The following CSRNP3 variants were observed in gnomAD, a reference collection of about 807,000 sequenced individuals.
CSRNP3 encodes cysteine and serine rich nuclear protein 3, also known as cysteine/serine-rich nuclear protein 3.
Under a neutral mutation model 48.0 loss-of-function variants are expected in CSRNP3, and 12 were observed. The observed-to-expected ratio is 0.25, with a 90% CI of 0.16 to 0.41. The LOEUF (loss-of-function observed/expected upper bound fraction) is 0.41, where lower values mean the gene tolerates loss of function less well. Ranked by LOEUF, CSRNP3 falls within the 10% of genes least tolerant of loss-of-function variation. The pLI, the probability that CSRNP3 is intolerant of heterozygous loss-of-function variation, is 1.00. For synonymous variants in CSRNP3, 263 were observed against 269.7 expected, an observed-to-expected ratio of 0.98 and a Z score of 0.24; for missense variants, 580 against 724.4, an observed-to-expected ratio of 0.80 and a Z score of 2.29.
intron 1 of CSRNP3, among the ~76,000 whole-genome samples, chr2:165,494,410 G>A (rs980517747): frequency 6.6e-6 from 1 of 151,970 alleles, no homozygotes. Context: ...CTGAACTCTG[G>A]CTCTGTCAAT....
chr2:165,643,564 C>A (rs1331774926), intron 4 of CSRNP3, among the ~76,000 whole-genome samples: 3 of 152,110 alleles, frequency 2.0e-5, no homozygotes, highest in Admixed American at 1.3e-4. Context: ...TTGTTTTTGA[C>A]CCCGGAGTCT....
intron 3 of CSRNP3, among the ~76,000 whole-genome samples, chr2:165,578,763 T>C (rs1574845797): frequency 6.6e-6 from 1 of 152,156 alleles, no homozygotes; most frequent in South Asian, 2.1e-4. Context: ...AAAAAGCTTT[T>C]ATTGTGTTGT....
intron 1 of CSRNP3, among the ~76,000 whole-genome samples, chr2:165,493,754 G>A (rs1417475478): frequency 6.6e-6 from 1 of 152,018 alleles, no homozygotes; most frequent in African/African-American, 2.4e-5. Context: ...TGAATAAGAG[G>A]TCATTTACTA....
At chr2:165,646,926 A>T (rs1686821083) in intron 4 of CSRNP3, among the ~76,000 whole-genome samples, 1 of 152,222 alleles carries the variant, frequency 6.6e-6, no homozygotes, top group African/African-American at 2.4e-5. Context: ...TTTTGGAAAT[A>T]ACTGTTACTT....
intron 4 of CSRNP3, among the ~76,000 whole-genome samples, chr2:165,599,434 T>C (rs1485152547): frequency 2.0e-5 from 3 of 152,056 alleles, no homozygotes; most frequent in Non-Finnish European, 4.4e-5. Context: ...GGACCACAGG[T>C]GCACACCACT....
intron 3 of CSRNP3, among the ~76,000 whole-genome samples, chr2:165,593,239 G>C (rs1474067289): frequency 6.6e-6 from 1 of 152,216 alleles, no homozygotes; most frequent in Non-Finnish European, 1.5e-5. Context: ...TAGGAATTCA[G>C]TGCTGGTTTA....
At chr2:165,521,040 C>T (rs1055772777) in intron 3 of CSRNP3, among the ~76,000 whole-genome samples, 3 of 151,034 alleles carry the variant, frequency 2.0e-5, no homozygotes, top group Admixed American at 6.6e-5. Flanking sequence ...GTAGCTCAGG[C>T]TAGAAGAGGG....
At chr2:165,502,852 T>C (rs1302560886) in intron 2 of CSRNP3, among the ~76,000 whole-genome samples, 4 of 151,986 alleles carry the variant, frequency 2.6e-5, no homozygotes, top group African/African-American at 2.4e-5. Context: ...ATATGATTAG[T>C]GAAAACATGT....
At chr2:165,562,793 A>G (rs1385134146) in intron 3 of CSRNP3, among the ~76,000 whole-genome samples, 1 of 152,208 alleles carries the variant, frequency 6.6e-6, no homozygotes, top group Non-Finnish European at 1.5e-5. Context: ...TCTTTCTAGA[A>G]ATACAAACAC....
intron 3 of CSRNP3, among the ~76,000 whole-genome samples, chr2:165,568,961 C>T (rs1335149389): frequency 1.3e-5 from 2 of 151,924 alleles, no homozygotes; most frequent in East Asian, 1.9e-4. Context: ...CATATTCACA[C>T]AATAAAATAT....
chr2:165,527,037 T>A (rs1684740833), intron 3 of CSRNP3, among the ~76,000 whole-genome samples: 2 of 152,004 alleles, frequency 1.3e-5, no homozygotes, highest in African/African-American at 4.8e-5. Flanking sequence ...AATGAGGAAG[T>A]CATTAAATAA....
chr2:165,534,546 A>C (rs946352742), intron 3 of CSRNP3, among the ~76,000 whole-genome samples: 1 of 151,950 alleles, frequency 6.6e-6, no homozygotes, highest in South Asian at 2.1e-4. Flanking sequence ...GTGCATAGAG[A>C]ATGTTCACTG....
chr2:165,496,988 C>T (rs1399798763), intron 2 of CSRNP3, among the ~76,000 whole-genome samples: 1 of 152,034 alleles, frequency 6.6e-6, no homozygotes, highest in Non-Finnish European at 1.5e-5. Context: ...GCTCTAGATG[C>T]TTTCCAGATG....
At chr2:165,520,910 C>T (rs1412902331) in intron 3 of CSRNP3, among the ~76,000 whole-genome samples, 1 of 149,304 alleles carries the variant, frequency 6.7e-6, no homozygotes, top group Non-Finnish European at 1.5e-5. Flanking sequence ...TCACTGCAGC[C>T]TCAACCTCCT....
At chr2:165,502,101 A>G (rs560477125) in intron 2 of CSRNP3, among the ~76,000 whole-genome samples, 1 of 152,148 alleles carries the variant, frequency 6.6e-6, no homozygotes, top group South Asian at 2.1e-4. Context: ...ATTTTTTCTT[A>G]TGGTGAAAAA....
At position 165,474,667 on chromosome 2, in the gene CSRNP3, T is replaced by G. The variant is rs147410326; in HGVS notation, c.-283+4927T>G. Among the ~76,000 whole-genome samples the G allele has an allele frequency of 7.2e-5, 11 of 152,316 alleles. No individual in the cohort carries two copies. In the East Asian group the frequency reaches 1.9e-3, roughly 27 times the overall value. ...TGCAAAATTACAAAGCAAGACACTATGTGTTTGTATTAAATATTAGATATA... is the reference window on the plus strand; with the variant it reads ...TGCAAAATTACAAAGCAAGACACTAGGTGTTTGTATTAAATATTAGATATA... On this transcript the variant is annotated intron_variant, in intron 1 of 6. Transcript: ENST00000651982.
At chr2:165,653,285 T>C (rs2105343409) in intron 4 of CSRNP3, among the ~76,000 whole-genome samples, 1 of 152,324 alleles carries the variant, frequency 6.6e-6, no homozygotes, top group Admixed American at 6.5e-5. Flanking sequence ...TTTAAATAGA[T>C]TCCATAGGCT....
intron 4 of CSRNP3, among the ~76,000 whole-genome samples, chr2:165,628,702 C>A (rs1404366200): frequency 6.6e-6 from 1 of 152,016 alleles, no homozygotes; most frequent in South Asian, 2.1e-4. Context: ...CCAGCCTGGA[C>A]AATGAGAGCA....
intron 3 of CSRNP3, among the ~76,000 whole-genome samples, chr2:165,579,352 G>A (rs1346480806): frequency 6.6e-6 from 1 of 152,160 alleles, no homozygotes; most frequent in Non-Finnish European, 1.5e-5. Flanking sequence ...CCAACTAGAA[G>A]TACGGTCTCC....
Sources: gnomAD v4.1 joint callset for allele counts (sites outside exome capture counted in the v4.1 genomes callset) on GRCh38, gnomAD v4.1.1 for gene constraint, MANE v1.5 for transcripts, NCBI Gene and HGNC (gene_info 2026-07-23, HGNC 2026-07-21) for gene names.